MALRD1: variants seen among roughly 807,000 people sequenced by gnomAD.
MALRD1 encodes MAM and LDL-receptor class A domain-containing protein 1.
In MALRD1, 247 loss-of-function variants were observed where a neutral mutation model predicts 242.1. The observed-to-expected ratio is 1.02, with a 90% CI of 0.92 to 1.13. The LOEUF (loss-of-function observed/expected upper bound fraction) is 1.13, where lower values mean the gene tolerates loss of function less well. Ranked by LOEUF, MALRD1 falls within the 50% of genes most tolerant of loss-of-function variation. The probability of loss-of-function intolerance (pLI) is 0.00; values close to 1 mark genes in which losing one functional copy is unlikely to be tolerated. For missense variants in MALRD1, 2,989 were observed against 2,533.1 expected (o/e 1.18, Z -3.86); for synonymous variants, 995 against 866.6 (o/e 1.15, Z -2.60).
chr10:19,283,561 T>A (rs1267804051), intron 21 of MALRD1, among the ~76,000 whole-genome samples: 3 of 152,098 alleles, frequency 2.0e-5, no homozygotes, highest in East Asian at 3.9e-4. Context: ...TTCTTCAGCC[T>A]CCCTTTTTTC....
intron 18 of MALRD1, among the ~76,000 whole-genome samples, chr10:19,243,702 C>T (rs529905855): frequency 1.3e-5 from 2 of 152,236 alleles, no homozygotes; most frequent in African/African-American, 2.4e-5. Context: ...TCTCAGCATA[C>T]ACCTGATTAT....
chr10:19,482,003 A>T (rs1589140201), intron 29 of MALRD1, among the ~76,000 whole-genome samples: 1 of 151,986 alleles, frequency 6.6e-6, no homozygotes, highest in Middle Eastern at 3.2e-3. Flanking sequence ...TGCTCAATAC[A>T]TGTTTCTGGC....
At chr10:19,611,552 A>G (rs1372758671) in intron 35 of MALRD1, among the ~76,000 whole-genome samples, 1 of 152,032 alleles carries the variant, frequency 6.6e-6, no homozygotes, top group Admixed American at 6.6e-5. Context: ...ACAAAGGGGT[A>G]CAAACCAGAG....
At chr10:19,171,662 G>A (rs1459549589) in intron 13 of MALRD1, among the ~76,000 whole-genome samples, 1 of 142,240 alleles carries the variant, frequency 7.0e-6, no homozygotes, top group African/African-American at 2.6e-5. Flanking sequence ...ATATGTCTAT[G>A]TGTGTATATA....
At chr10:19,326,039 AT>A (rs35409078) in intron 22 of MALRD1, among the ~76,000 whole-genome samples, 84,253 of 151,824 alleles carry the variant, frequency 0.55, 23,564 homozygotes, top group Middle Eastern at 0.58. Context: ...CAATTTTAGA[AT>A]TTTTTTTATA....
chr10:19,450,578 G>A, intron 29 of MALRD1, 88 bp downstream of exon 29: 5 of 1,177,280 alleles, frequency 4.2e-6, no homozygotes, highest in Non-Finnish European at 5.9e-6. Flanking sequence ...ATGCTTTACT[G>A]TTATGTATTT....
In MALRD1 at chr10:19,324,149, G is replaced by C. The variant is rs746136688; in HGVS notation, c.3576+44G>C. On this transcript the variant is annotated intron_variant, in intron 22 of 39. Coordinates refer to ENST00000454679, the MANE Select transcript of MALRD1 (RefSeq NM_001142308.3). ...CATTTTCTGAATTTTCTCTCTAAAA[G>C]TTCACAGTGCATAATTTGGTATCAT... 31 of 1,515,736 alleles carry C rather than the reference G, an allele frequency of 2.0e-5. 1 individual carries two copies. The South Asian group carries it at 3.7e-4, about 18-fold the overall frequency. 93.9% of individuals were successfully genotyped at this position (1,515,736 alleles called of 1,614,324 possible).
chr10:19,352,374 A>G (rs1329786859), intron 26 of MALRD1, 77 bp downstream of exon 26: 3 of 1,326,078 alleles, frequency 2.3e-6, no homozygotes, highest in Non-Finnish European at 3.1e-6. Flanking sequence ...ATGCAAAAGA[A>G]ATAGCATAAA....
intron 4 of MALRD1, among the ~76,000 whole-genome samples, chr10:19,097,413 G>C (rs906853042): frequency 1.4e-4 from 21 of 152,198 alleles, no homozygotes; most frequent in Admixed American, 3.9e-4. Context: ...TTTGTCTGCT[G>C]TGCTGGGTAA....
At chr10:19,547,785 CATATATATATATATATATATAT>C (rs1160775136) in intron 32 of MALRD1, among the ~76,000 whole-genome samples, 1 of 16,200 alleles carries the variant, frequency 6.2e-5, no homozygotes, top group Non-Finnish European at 1.4e-4. Flanking sequence ...TTCACAGATA[CATATATATATATATATATATAT>C]ATATATATAT....
At chr10:19,610,610 G>A (rs963454991) in intron 35 of MALRD1, among the ~76,000 whole-genome samples, 1 of 151,986 alleles carries the variant, frequency 6.6e-6, no homozygotes, top group Non-Finnish European at 1.5e-5. Context: ...ATCTGGGACA[G>A]TACATAAATG....
chr10:19,096,713 A>G (rs1237403167), intron 4 of MALRD1, among the ~76,000 whole-genome samples: 1 of 152,226 alleles, frequency 6.6e-6, no homozygotes, highest in Non-Finnish European at 1.5e-5. Context: ...TGCTGCCTCA[A>G]GAACTTACAA....
intron 29 of MALRD1, among the ~76,000 whole-genome samples, chr10:19,476,470 C>T (rs143310814): frequency 4.7e-4 from 72 of 152,232 alleles, no homozygotes; most frequent in African/African-American, 1.5e-3. Context: ...GAGAGACATA[C>T]TCCCTGTTCC....
At chr10:19,607,518 T>C (rs1462066663) in intron 34 of MALRD1, among the ~76,000 whole-genome samples, 2 of 152,104 alleles carry the variant, frequency 1.3e-5, no homozygotes, top group Non-Finnish European at 1.5e-5. Flanking sequence ...GATATGAATG[T>C]TGAGGTGAGG....
chr10:19,449,667 G>T (rs977419724), intron 28 of MALRD1, among the ~76,000 whole-genome samples: 1 of 152,202 alleles, frequency 6.6e-6, no homozygotes, highest in African/African-American at 2.4e-5. Context: ...GTGGTCTTCA[G>T]TATATCTGAA....
At chr10:19,607,406 G>T (rs1039529313) in intron 34 of MALRD1, among the ~76,000 whole-genome samples, 16 of 152,052 alleles carry the variant, frequency 1.1e-4, no homozygotes, top group Admixed American at 6.6e-5. Flanking sequence ...AGCCTTTCCT[G>T]TATGTCATTG....
In MALRD1 at chr10:19,066,859, G is replaced by A. The variant is rs2131243553; in HGVS notation, c.340G>A (p.Ala114Thr). The change falls in exon 2 of 40, where the codon GCT (alanine) becomes ACT (threonine). Residue 114 changes from alanine to threonine, a missense_variant and splice_region_variant. Physicochemically the swap from Ala to Thr is moderately conservative, Grantham distance 58 (BLOSUM62 0). Transcript: ENST00000454679. ...TTATGATCACAATGGTGATGTGTCT[G>A]GTAAATGCTTTAAATTTATTTTCTC... ...PFYDHNGDVS[A>T]HFLSLVSRVD... 8.1e-7 allele frequency: 1 copy of A among 1,233,460 alleles called. No individual in the cohort carries two copies. The highest frequency in any genetic ancestry group is 1.5e-5 in the African/African-American group (1 of 64,552). 76.4% of individuals were successfully genotyped at this position (1,233,460 alleles called of 1,614,324 possible). A position where few individuals can be genotyped will look rare whatever the true frequency, so the allele number is the denominator to read the frequency against.
chr10:19,439,674 T>C (rs1243777944), intron 28 of MALRD1, among the ~76,000 whole-genome samples: 1 of 152,202 alleles, frequency 6.6e-6, no homozygotes, highest in Admixed American at 6.6e-5. Flanking sequence ...TACAGTTTTA[T>C]TTCTTTATTT....
rs557878613 is a variant in MALRD1, at chr10:19,726,374, A to G, written c.6315-4332A>G. On this transcript the variant is annotated intron_variant, in intron 38 of 39. Coordinates refer to ENST00000454679, the MANE Select transcript of MALRD1 (RefSeq NM_001142308.3). ...ATCACTAGTCATTAGGGAAATGAAAATCAGTACCACAATTACATACCAATT... is the reference window on the plus strand; with the variant it reads ...ATCACTAGTCATTAGGGAAATGAAAGTCAGTACCACAATTACATACCAATT... Among the ~76,000 whole-genome samples the G allele has an allele frequency of 3.3e-5, 5 of 152,296 alleles. 1 individual carries two copies. The South Asian group carries it at 1.0e-3, about 32-fold the overall frequency.
Sources: allele counts gnomAD v4.1 joint callset (sites outside exome capture counted in the v4.1 genomes callset), GRCh38; gene constraint gnomAD v4.1.1; transcripts MANE v1.5; gene names NCBI Gene and HGNC (gene_info 2026-07-23, HGNC 2026-07-21).